Variants in SOS1 observed in about 807,000 individuals in gnomAD.
SOS1 encodes son of sevenless homolog 1.
A neutral mutation model predicts 157.6 loss-of-function variants in SOS1; 25 were observed. That is an observed-to-expected ratio of 0.16 (90% CI 0.12 to 0.22). The LOEUF is 0.22. Ranked by LOEUF, SOS1 falls within the 10% of genes least tolerant of loss-of-function variation. The probability of loss-of-function intolerance (pLI) is 1.00; values close to 1 mark genes in which losing one functional copy is unlikely to be tolerated. For synonymous variants in SOS1, 528 were observed against 534.0 expected, an observed-to-expected ratio of 0.99 and a Z score of 0.16; for missense variants, 1,237 against 1,599.1, an observed-to-expected ratio of 0.77 and a Z score of 3.86.
intron 1 of SOS1, among the ~76,000 whole-genome samples, chr2:39,077,147 A>G (rs1361484980): frequency 6.6e-6 from 1 of 152,138 alleles, no homozygotes; most frequent in African/African-American, 2.4e-5. Flanking sequence ...GTTCGACACC[A>G]GGCTGACAAA....
At position 39,024,840 on chromosome 2, in the gene SOS1, A is replaced by G. The variant is rs572560751; in HGVS notation, c.1075-703T>C. Among the ~76,000 whole-genome samples, 12 of 152,350 alleles carry G rather than the reference A, an allele frequency of 7.9e-5. No individual in the cohort carries two copies. In the East Asian group the frequency reaches 2.3e-3, roughly 29 times the overall value. On this transcript the variant is annotated intron_variant, in intron 8 of 22. Transcript: ENST00000402219. ...ATACTACAGAATTAACATTAGTATA[A>G]TAAAGAACTTTGTCCATATCCACAT...
At chr2:39,104,556 G>A (rs1446232509) in intron 1 of SOS1, among the ~76,000 whole-genome samples, 1 of 152,148 alleles carries the variant, frequency 6.6e-6, no homozygotes, top group Non-Finnish European at 1.5e-5. Context: ...GGCAGTTCCT[G>A]AAGAAGCTAA....
intron 1 of SOS1, among the ~76,000 whole-genome samples, chr2:39,092,667 G>A (rs1319213992): frequency 1.3e-5 from 2 of 151,824 alleles, no homozygotes; most frequent in African/African-American, 4.8e-5. Context: ...TCTGTTGGTG[G>A]GTTGAATGAA....
chr2:39,014,133 T>G (rs921701375), intron 11 of SOS1, 144 bp from the exon 12 acceptor site: 1 of 625,716 alleles, frequency 1.6e-6, no homozygotes, highest in African/African-American at 1.9e-5. Flanking sequence ...TGTAAACAAG[T>G]GAGACTCCTA....
rs191883646 is a variant in SOS1, at chr2:39,055,995, A to G, written c.510+707T>C. On this transcript the variant is annotated intron_variant, in intron 4 of 22. Transcript: ENST00000402219. ...TCAATAAGTGTTTGCTCTTATTATT[A>G]TTATTGTAAAACCACAAAGTAGTAT... Among the ~76,000 whole-genome samples, 12 of 152,348 alleles carry G rather than the reference A, an allele frequency of 7.9e-5. No homozygotes were observed. The East Asian group carries it at 2.3e-3, about 29-fold the overall frequency.
At chr2:39,036,865 G>A (rs908004981) in intron 6 of SOS1, among the ~76,000 whole-genome samples, 6 of 151,966 alleles carry the variant, frequency 3.9e-5, no homozygotes, top group African/African-American at 9.7e-5. Context: ...GTGAGCCACC[G>A]CGCCCGGCCT....
intron 1 of SOS1, among the ~76,000 whole-genome samples, chr2:39,077,658 G>T (rs1047650445): frequency 1.3e-5 from 2 of 152,106 alleles, no homozygotes; most frequent in African/African-American, 4.8e-5. Flanking sequence ...CACCGTAATG[G>T]AGAGCTTGTA....
rs574322554 is a variant in SOS1, at chr2:39,021,904, G to A, written c.1858+666C>T. Reference sequence around the variant, plus strand: ...CGGCAGGTCATACTACCGAAAAATTGTACCTCTCAAAAAACAGCTTTATAT... The same window carrying A: ...CGGCAGGTCATACTACCGAAAAATTATACCTCTCAAAAAACAGCTTTATAT... On this transcript the variant is annotated intron_variant, in intron 10 of 22. Transcript: ENST00000402219. Among the ~76,000 whole-genome samples the A allele has an allele frequency of 6.6e-5, 10 of 151,722 alleles. No individual in the cohort carries two copies. The South Asian group carries it at 2.1e-3, about 31-fold the overall frequency.
intron 2 of SOS1, among the ~76,000 whole-genome samples, chr2:39,059,806 T>C (rs970923145): frequency 5.3e-5 from 8 of 152,190 alleles, no homozygotes; most frequent in African/African-American, 1.9e-4. Flanking sequence ...GTGTAATCCA[T>C]TCAATTTTAA....
At chr2:39,039,017 C>T (rs1670460793) in intron 6 of SOS1, among the ~76,000 whole-genome samples, 1 of 152,102 alleles carries the variant, frequency 6.6e-6, no homozygotes, top group South Asian at 2.1e-4. Context: ...TCACCCCAAC[C>T]TTCAGCAGCC....
At chr2:39,106,821 T>C (rs1203115376) in intron 1 of SOS1, among the ~76,000 whole-genome samples, 1 of 152,136 alleles carries the variant, frequency 6.6e-6, no homozygotes, top group African/African-American at 2.4e-5. Context: ...GGCCACATGG[T>C]TGGACTATTC....
Position 38,984,464 on chromosome 2 carries a change from A to C in SOS1, c.*1360T>G, listed in dbSNP as rs991453230. On this transcript the variant is annotated 3_prime_UTR_variant, in exon 23 of 23. Coordinates refer to ENST00000402219, the MANE Select transcript of SOS1 (RefSeq NM_005633.4). ...TAGAATGTTCAATATAAACCTTAACAAACTGTATACTTGTTGCTTAGGAAC... is the reference window on the plus strand; with the variant it reads ...TAGAATGTTCAATATAAACCTTAACCAACTGTATACTTGTTGCTTAGGAAC... 1 of 151,540 alleles carries C rather than the reference A, an allele frequency of 6.6e-6. No homozygotes were observed. Among genetic ancestry groups the C allele is most frequent in the African/African-American group, 2.4e-5 (1 of 40,832 alleles). The allele number at this position is 151,540 out of a possible 1,614,324, so 9.4% of individuals were successfully genotyped here.
chr2:39,087,275 A>C lies in SOS1; in HGVS notation c.88-19522T>G, dbSNP rs1421583145. ...AAGTATTAACATAGTAATACTTCAT[A>C]AGAATACTTTCCTAGACAAAATAAA... On this transcript the variant is annotated intron_variant, in intron 1 of 22. Coordinates refer to ENST00000402219, the MANE Select transcript of SOS1 (RefSeq NM_005633.4). Among the ~76,000 whole-genome samples, 3 of 152,246 alleles carry C rather than the reference A, an allele frequency of 2.0e-5. No individual in the cohort carries two copies. The East Asian group carries it at 5.8e-4, about 29-fold the overall frequency.
chr2:39,107,882 C>G (rs191254571), intron 1 of SOS1, among the ~76,000 whole-genome samples: 5 of 152,116 alleles, frequency 3.3e-5, no homozygotes, highest in Admixed American at 2.0e-4. Context: ...GAGCCATCCT[C>G]AAAGCCTTGA....
chr2:39,023,145 T>A lies in SOS1; in HGVS notation c.1283A>T (p.Asn428Ile). 1 of 1,613,258 alleles carries A rather than the reference T, an allele frequency of 6.2e-7. No individual in the cohort carries two copies. The highest frequency in any genetic ancestry group is 8.5e-7 in the Non-Finnish European group (1 of 1,179,430). The change falls in exon 10 of 23, where the codon AAT becomes ATT. Residue 428 changes from asparagine to isoleucine, a missense_variant. Physicochemically the swap from Asn to Ile is moderately radical, Grantham distance 149. Coordinates refer to ENST00000402219, the MANE Select transcript of SOS1 (RefSeq NM_005633.4). ...AIKKMNEIQK[N>I]IDGWEGKDIG... is the part of the protein sequence containing the mutation. ...GTCTTTTCCCTCCCAACCATCAATA[T>A]TCTTCTGAATCTCGTTCATCTTCTT... is the stretch of plus-strand genomic sequence containing the variant.
intron 10 of SOS1, among the ~76,000 whole-genome samples, chr2:39,015,541 T>C (rs574164313): frequency 1.0e-3 from 156 of 152,050 alleles, no homozygotes; most frequent in African/African-American, 3.5e-3. Context: ...ATCCCTTCCA[T>C]GAAAGGACCT....
intron 1 of SOS1, among the ~76,000 whole-genome samples, chr2:39,070,602 T>C (rs1293733494): frequency 2.0e-5 from 3 of 152,278 alleles, no homozygotes; most frequent in African/African-American, 7.2e-5. Context: ...AAACTTCAAA[T>C]TACCTGTAGG....
intron 1 of SOS1, among the ~76,000 whole-genome samples, chr2:39,102,230 AGTGC>A (rs1672995934): frequency 7.0e-6 from 1 of 142,860 alleles, no homozygotes; most frequent in Non-Finnish European, 1.5e-5. Context: ...AAAAAAAAAA[AGTGC>A]CACTTTGTCC....
chr2:38,985,784 A>T lies in SOS1; in HGVS notation c.*40T>A, dbSNP rs1337527983. 6.2e-7 allele frequency: 1 copy of T among 1,608,998 alleles called. No homozygotes were observed. The highest frequency in any genetic ancestry group is 8.5e-7 in the Non-Finnish European group (1 of 1,177,360). The stretch of plus-strand genomic sequence containing the variant: ...TCAGTGCATCCATTGCCAGCAATGG[A>T]TTTGGGGCTAGGAAAATATACATCC... On this transcript the variant is annotated 3_prime_UTR_variant, in exon 23 of 23. Transcript: ENST00000402219.
Sources: gnomAD v4.1 joint callset for allele counts (sites outside exome capture counted in the v4.1 genomes callset) on GRCh38, gnomAD v4.1.1 for gene constraint, MANE v1.5 for transcripts, NCBI Gene and HGNC (gene_info 2026-07-23, HGNC 2026-07-21) for gene names.